Variants in RERGL observed in about 807,000 individuals in gnomAD.
RERGL encodes ras-related and estrogen-regulated growth inhibitor-like protein.
In RERGL, 22 loss-of-function variants were observed where a neutral mutation model predicts 24.7. That is an observed-to-expected ratio of 0.89 (90% CI 0.64 to 1.27). The LOEUF (loss-of-function observed/expected upper bound fraction) is 1.27. Ranked by LOEUF, RERGL falls within the 50% of genes most tolerant of loss-of-function variation. The probability of loss-of-function intolerance (pLI) is 0.00; values close to 1 mark genes in which losing one functional copy is unlikely to be tolerated. For missense variants in RERGL, 259 were observed against 235.3 expected (o/e 1.10, Z -0.66); for synonymous variants, 76 against 82.6 (o/e 0.92, Z 0.43).
At chr12:18,084,820 T>C (rs1055854984) in intron 3 of RERGL, among the ~76,000 whole-genome samples, 155 bp from the exon 4 acceptor site, 2 of 152,214 alleles carry the variant, frequency 1.3e-5, no homozygotes, top group African/African-American at 4.8e-5. Flanking sequence ...TTCTCTCTTA[T>C]TGCTTTGTCC....
intron 2 of RERGL, among the ~76,000 whole-genome samples, chr12:18,086,937 G>T (rs908460628): frequency 1.3e-5 from 2 of 151,984 alleles, no homozygotes; most frequent in African/African-American, 4.8e-5. Flanking sequence ...TTGTTAAATG[G>T]CATATCCATA....
chr12:18,086,964 CA>C (rs927584726), intron 2 of RERGL, among the ~76,000 whole-genome samples: 9 of 151,946 alleles, frequency 5.9e-5, no homozygotes, highest in Non-Finnish European at 1.0e-4. Context: ...GCTTCTCAGG[CA>C]AAAAACCCTA....
rs371238120 is a variant in RERGL at position 18,084,561 on chromosome 12, C to G, written c.288G>C (p.Ala96=). 6.2e-7 allele frequency: 1 copy of G among 1,611,708 alleles called. No individual in the cohort carries two copies. ...GTGGCTCCCGGATTCTGTAGATCAGCGCTTTTGCAAAAGCAAATGAAGACC... is the reference window on the plus strand; with the variant it reads ...GTGGCTCCCGGATTCTGTAGATCAGGGCTTTTGCAAAAGCAAATGAAGACC... The part of the protein sequence containing the change: ...SDRSSFAFAK[A]LIYRIREPQT... The change falls in exon 4 of 5, where the codon GCG becomes GCC. Residue 96 remains alanine (A), a synonymous_variant. Coordinates refer to ENST00000538724, the MANE Select transcript of RERGL (RefSeq NM_001286201.2).
At chr12:18,087,830 T>A (rs1476528325) in intron 2 of RERGL, among the ~76,000 whole-genome samples, 1 of 152,180 alleles carries the variant, frequency 6.6e-6, no homozygotes, top group Admixed American at 6.5e-5. Context: ...TTGACTGATG[T>A]CGTTGCCTTC....
chr12:18,086,512 A>G (rs1188331689), intron 2 of RERGL, among the ~76,000 whole-genome samples: 2 of 152,144 alleles, frequency 1.3e-5, no homozygotes, highest in East Asian at 3.9e-4. Context: ...GCATTAATGT[A>G]GTTGATCATT....
chr12:18,088,537 A>T (rs901498235), intron 2 of RERGL, among the ~76,000 whole-genome samples: 1 of 152,102 alleles, frequency 6.6e-6, no homozygotes, highest in African/African-American at 2.4e-5. Flanking sequence ...TTGTGGTTTT[A>T]GTATTAATTT....
In RERGL at chr12:18,085,617, T is replaced by TA. The variant is rs1947211739; in HGVS notation, c.183+2dup. On this transcript the variant is annotated splice_region_variant and intron_variant, in intron 3 of 4. Coordinates refer to ENST00000538724, the MANE Select transcript of RERGL (RefSeq NM_001286201.2). ...AATAAAAAAGGTGTTTTGTTTTACT[T>TA]ACTTGAGAACAAGGGTCATATATTT... 1.3e-6 allele frequency: 2 copies of TA among 1,532,484 alleles called. No homozygotes were observed. Among genetic ancestry groups the TA allele is most frequent in the East Asian group, 4.6e-5 (2 of 43,830 alleles). The allele number at this position is 1,532,484 out of a possible 1,614,324, so 94.9% of individuals were successfully genotyped here.
Position 18,090,077 on chromosome 12 carries a change from G to A in RERGL, c.52+12C>T. 1 of 1,529,454 alleles carries A rather than the reference G, an allele frequency of 6.5e-7. No homozygotes were observed. The allele number at this position is 1,529,454 out of a possible 1,614,324, so 94.7% of individuals were successfully genotyped here. The stretch of plus-strand genomic sequence containing the variant: ...TACACTCTATGATAACAGAGAAGAT[G>A]TCACCACTCACCAGATTTGCCTGTT... On this transcript the variant is annotated intron_variant, in intron 1 of 4. Coordinates refer to ENST00000538724, the MANE Select transcript of RERGL (RefSeq NM_001286201.2).
At chr12:18,082,651 G>A (rs1947184960) in intron 4 of RERGL, among the ~76,000 whole-genome samples, 1 of 152,126 alleles carries the variant, frequency 6.6e-6, no homozygotes, top group Non-Finnish European at 1.5e-5. Context: ...CTTATCAATT[G>A]CAAGGGAAGA....
In RERGL at chr12:18,084,524, A is replaced by G; in HGVS notation, c.325T>C (p.Cys109Arg). The G allele has an allele frequency of 6.2e-7, 1 of 1,603,062 alleles. No individual in the cohort carries two copies. The highest frequency in any genetic ancestry group is 8.5e-7 in the Non-Finnish European group (1 of 1,176,816). Residue 109 changes from cysteine (C) to arginine (R), a missense_variant, in exon 4 of 5, where the codon TGT becomes CGT. Cys to Arg is a radical substitution (Grantham distance 180). Coordinates refer to ENST00000538724, the MANE Select transcript of RERGL (RefSeq NM_001286201.2). ...GAATGAAAAATACCTTACCTTTTAC[A>G]ATGACTAGTTTGTGGCTCCCGGATT... is the stretch of plus-strand genomic sequence containing the variant. ...YRIREPQTSH[C>R]KRAVESAVFL... is the part of the protein sequence containing the mutation.
At chr12:18,088,686 G>C (rs1301736477) in intron 2 of RERGL, among the ~76,000 whole-genome samples, 1 of 152,076 alleles carries the variant, frequency 6.6e-6, no homozygotes. Flanking sequence ...GAAACCAACT[G>C]TCTTACTTAA....
At chr12:18,087,914 A>C (rs1453743105) in intron 2 of RERGL, among the ~76,000 whole-genome samples, 8 of 152,132 alleles carry the variant, frequency 5.3e-5, no homozygotes, top group Non-Finnish European at 1.2e-4. Flanking sequence ...TCTTGCCCTA[A>C]AATGTTCATA....
At chr12:18,082,166 G>A (rs1175645523) in intron 4 of RERGL, among the ~76,000 whole-genome samples, 2 of 149,402 alleles carry the variant, frequency 1.3e-5, no homozygotes, top group African/African-American at 5.0e-5. Flanking sequence ...AAAAGAATGA[G>A]AGCATGCCCT....
chr12:18,089,618 C>A (rs1247867242), intron 1 of RERGL, among the ~76,000 whole-genome samples: 1 of 152,082 alleles, frequency 6.6e-6, no homozygotes, highest in Non-Finnish European at 1.5e-5. Flanking sequence ...AGCCATGCGC[C>A]CCACAAAGTT....
intron 4 of RERGL, among the ~76,000 whole-genome samples, chr12:18,082,755 G>A (rs1227703677): frequency 6.6e-6 from 1 of 152,082 alleles, no homozygotes; most frequent in Non-Finnish European, 1.5e-5. Flanking sequence ...ATTTATTGCT[G>A]TTTTTGCTCT....
rs1179322991 is a variant in RERGL, at chr12:18,088,889, T to G, written c.109+11A>C. On this transcript the variant is annotated intron_variant, in intron 2 of 4. Coordinates refer to ENST00000538724, the MANE Select transcript of RERGL (RefSeq NM_001286201.2). ...AGTTTTAAGGTAAAAATGTCTAGAG[T>G]AGTGACTTACCAAAATTAGAAGCAT... 1 of 1,555,856 alleles carries G rather than the reference T, an allele frequency of 6.4e-7. No homozygotes were observed. Among genetic ancestry groups the G allele is most frequent in the African/African-American group, 1.4e-5 (1 of 73,572 alleles).
intron 2 of RERGL, among the ~76,000 whole-genome samples, chr12:18,087,944 A>G (rs79283890): frequency 0.014 from 2,194 of 152,248 alleles, 31 homozygotes; most frequent in Middle Eastern, 0.044. Context: ...GGACTGAAAT[A>G]CTATGTTGAA....
Position 18,088,885 on chromosome 12 carries a change from A to T in RERGL, c.109+15T>A. ...TAAAAGTTTTAAGGTAAAAATGTCT[A>T]GAGTAGTGACTTACCAAAATTAGAA... On this transcript the variant is annotated intron_variant, in intron 2 of 4. Transcript: ENST00000538724. The T allele has an allele frequency of 6.5e-7, 1 of 1,533,902 alleles. No homozygotes were observed. Among genetic ancestry groups the T allele is most frequent in the Non-Finnish European group, 9.0e-7 (1 of 1,107,504 alleles).
At chr12:18,081,824 T>C (rs1591709046) in intron 4 of RERGL, among the ~76,000 whole-genome samples, 1 of 152,144 alleles carries the variant, frequency 6.6e-6, no homozygotes, top group South Asian at 2.1e-4. Flanking sequence ...ATATTCATCA[T>C]GGAATACTAT....
Sources: allele counts gnomAD v4.1 joint callset (sites outside exome capture counted in the v4.1 genomes callset), GRCh38; gene constraint gnomAD v4.1.1; transcripts MANE v1.5; gene names NCBI Gene and HGNC (gene_info 2026-07-23, HGNC 2026-07-21).